Variants in QTMAN observed in about 807,000 individuals in gnomAD.
QTMAN encodes tRNA-queuosine alpha-mannosyltransferase.
At chr2:144,169,041 T>G in the QTMAN span, among the ~76,000 whole-genome samples, 1 of 152,142 alleles carries the variant, frequency 6.6e-6, no homozygotes, top group Non-Finnish European at 1.5e-5. Context: ...TTTAAAGAAA[T>G]GCTATAAAAA....
At chr2:144,269,126 G>A in the QTMAN span, among the ~76,000 whole-genome samples, 6 of 152,098 alleles carry the variant, frequency 3.9e-5, no homozygotes, top group Non-Finnish European at 8.8e-5. Flanking sequence ...ATAAATCTAC[G>A]TAAGATGTTA....
chr2:144,214,266 T>A, the QTMAN span, among the ~76,000 whole-genome samples: 11 of 152,326 alleles, frequency 7.2e-5, no homozygotes, highest in South Asian at 1.7e-3. Flanking sequence ...GTTATTTTTT[T>A]AAATTCTTCT....
the QTMAN span, among the ~76,000 whole-genome samples, chr2:144,161,199 T>G: frequency 0.063 from 9,552 of 152,208 alleles, 1,002 homozygotes; most frequent in African/African-American, 0.22. Context: ...TTCTTTCTTG[T>G]ATTTATTTAT....
At chr2:143,957,074 T>G in the QTMAN span, 1 of 746,478 alleles carries the variant, frequency 1.3e-6, no homozygotes, top group South Asian at 2.6e-5. Flanking sequence ...AAATAGGTGA[T>G]AGTCAATTGA....
At chr2:144,088,577 AAG>A in the QTMAN span, among the ~76,000 whole-genome samples, 1 of 152,230 alleles carries the variant, frequency 6.6e-6, no homozygotes, top group South Asian at 2.1e-4. Context: ...TACATATTAC[AAG>A]TCTACAGTAA....
At chr2:144,134,349 G>T in the QTMAN span, among the ~76,000 whole-genome samples, 2 of 152,016 alleles carry the variant, frequency 1.3e-5, no homozygotes, top group African/African-American at 4.8e-5. Flanking sequence ...TCTGTTTTGG[G>T]TTCTCATTTC....
the QTMAN span, among the ~76,000 whole-genome samples, chr2:144,040,863 C>A: frequency 6.6e-6 from 1 of 152,070 alleles, no homozygotes; most frequent in Non-Finnish European, 1.5e-5. Flanking sequence ...GTCTATTAGA[C>A]AAAGAGGTGG....
At chr2:144,186,194 G>T in the QTMAN span, among the ~76,000 whole-genome samples, 3 of 152,170 alleles carry the variant, frequency 2.0e-5, no homozygotes, top group African/African-American at 2.4e-5. Flanking sequence ...GATCCTATTA[G>T]AGGTACACAC....
chr2:143,979,698 CATCT>C, the QTMAN span, among the ~76,000 whole-genome samples: 1 of 152,250 alleles, frequency 6.6e-6, no homozygotes, highest in South Asian at 2.1e-4. Flanking sequence ...TATAACAGAA[CATCT>C]ATCTACATCA....
the QTMAN span, among the ~76,000 whole-genome samples, chr2:144,296,595 C>T: frequency 6.6e-6 from 1 of 152,166 alleles, no homozygotes; most frequent in Non-Finnish European, 1.5e-5. Flanking sequence ...GAAATAAATT[C>T]TAACAAAGTT....
chr2:144,149,031 G>A, the QTMAN span, among the ~76,000 whole-genome samples: 1 of 151,860 alleles, frequency 6.6e-6, no homozygotes, highest in Non-Finnish European at 1.5e-5. Context: ...TAATGAATAT[G>A]CCCACAAAAG....
the QTMAN span, among the ~76,000 whole-genome samples, chr2:144,039,557 C>T: frequency 1.3e-5 from 2 of 152,114 alleles, no homozygotes; most frequent in African/African-American, 4.8e-5. Flanking sequence ...TGTGGCAAAT[C>T]CTTTATTTTG....
chr2:143,968,157 G>A, the QTMAN span, among the ~76,000 whole-genome samples: 23 of 152,170 alleles, frequency 1.5e-4, no homozygotes, highest in Non-Finnish European at 2.6e-4. Flanking sequence ...TGCCATGGCC[G>A]TGAAGACTCA....
the QTMAN span, among the ~76,000 whole-genome samples, chr2:144,214,653 T>C: frequency 6.6e-6 from 1 of 152,192 alleles, no homozygotes; most frequent in Non-Finnish European, 1.5e-5. Context: ...TATACCCCCC[T>C]CAATGCCATG....
the QTMAN span, among the ~76,000 whole-genome samples, chr2:144,230,940 T>A: frequency 2.0e-5 from 3 of 152,132 alleles, no homozygotes; most frequent in Non-Finnish European, 4.4e-5. Flanking sequence ...CAGCTTAAAA[T>A]ATGCAGTGTA....
At chr2:144,281,728 T>C in the QTMAN span, among the ~76,000 whole-genome samples, 1 of 152,176 alleles carries the variant, frequency 6.6e-6, no homozygotes, top group South Asian at 2.1e-4. Flanking sequence ...TGCTTGCATA[T>C]AGACCAGAGA....
At chr2:144,121,180 G>C in the QTMAN span, among the ~76,000 whole-genome samples, 2 of 152,118 alleles carry the variant, frequency 1.3e-5, no homozygotes, top group Admixed American at 1.3e-4. Flanking sequence ...CATACAGAGG[G>C]GAGAGTCTAG....
chr2:144,049,187 T>C, the QTMAN span, among the ~76,000 whole-genome samples: 1 of 152,234 alleles, frequency 6.6e-6, no homozygotes, highest in African/African-American at 2.4e-5. Flanking sequence ...ATACCAATAC[T>C]GTGTTGATAA....
At chr2:144,175,670 CAGAGAGAGAG>C in the QTMAN span, among the ~76,000 whole-genome samples, 10 of 148,232 alleles carry the variant, frequency 6.7e-5, no homozygotes, top group African/African-American at 2.5e-4. Flanking sequence ...TATATATTTA[CAGAGAGAGAG>C]AGAGAGAGAG....
Sources: allele counts gnomAD v4.1 joint callset (sites outside exome capture counted in the v4.1 genomes callset), GRCh38; gene constraint gnomAD v4.1.1; transcripts MANE v1.5; gene names NCBI Gene and HGNC (gene_info 2026-07-23, HGNC 2026-07-21).